SH3RF3: variants seen among roughly 807,000 people sequenced by gnomAD.
SH3RF3 encodes the protein E3 ubiquitin-protein ligase SH3RF3.
SH3RF3 carries 29 observed loss-of-function variants against 66.3 expected under a neutral mutation model. The observed-to-expected ratio is 0.44, with a 90% CI of 0.33 to 0.60. The LOEUF (loss-of-function observed/expected upper bound fraction) is 0.60, where lower values mean the gene tolerates loss of function less well. Ranked by LOEUF, SH3RF3 falls within the 20% of genes least tolerant of loss-of-function variation. The probability of loss-of-function intolerance (pLI) is 0.04; values close to 1 mark genes in which losing one functional copy is unlikely to be tolerated. For synonymous variants in SH3RF3, 583 were observed against 532.0 expected, an observed-to-expected ratio of 1.10 and a Z score of -1.32; for missense variants, 1,194 against 1,190.9, an observed-to-expected ratio of 1.00 and a Z score of -0.04.
chr2:109,241,222 T>C (rs1679773658), intron 1 of SH3RF3, among the ~76,000 whole-genome samples: 1 of 150,858 alleles, frequency 6.6e-6, no homozygotes, highest in African/African-American at 2.5e-5. Flanking sequence ...AGCAGTTTGT[T>C]TGTCTCTTGA....
At chr2:109,229,178 G>C (rs905645302) in intron 1 of SH3RF3, among the ~76,000 whole-genome samples, 1 of 152,040 alleles carries the variant, frequency 6.6e-6, no homozygotes, top group Non-Finnish European at 1.5e-5. Flanking sequence ...CAGGAACCAG[G>C]GACAAAGACC....
intron 1 of SH3RF3, among the ~76,000 whole-genome samples, chr2:109,300,697 C>T (rs144548040): frequency 6.6e-6 from 1 of 152,346 alleles, no homozygotes; most frequent in East Asian, 1.9e-4. Context: ...CTTCCTCCTT[C>T]ACCACCTTCC....
intron 1 of SH3RF3, among the ~76,000 whole-genome samples, chr2:109,343,511 T>G (rs1413049910): frequency 6.6e-6 from 1 of 152,130 alleles, no homozygotes; most frequent in Non-Finnish European, 1.5e-5. Flanking sequence ...ACCTTCTCTG[T>G]CCCCTACCCT....
intron 1 of SH3RF3, among the ~76,000 whole-genome samples, chr2:109,276,211 A>G (rs1355610526): frequency 6.6e-6 from 1 of 152,236 alleles, no homozygotes; most frequent in Non-Finnish European, 1.5e-5. Flanking sequence ...CCACATCACC[A>G]TATGTGTGAG....
intron 1 of SH3RF3, among the ~76,000 whole-genome samples, chr2:109,326,686 G>T (rs1682167325): frequency 6.6e-6 from 1 of 152,162 alleles, no homozygotes; most frequent in South Asian, 2.1e-4. Flanking sequence ...TCTTTTTCTT[G>T]AAAGATCTAT....
At chr2:109,478,002 C>T (rs35367934) in intron 8 of SH3RF3, among the ~76,000 whole-genome samples, 69,900 of 151,628 alleles carry the variant, frequency 0.46, 17,916 homozygotes, top group Non-Finnish European at 0.56. Flanking sequence ...CTCCCCACTG[C>T]TCATGAAATA....
At chr2:109,481,799 A>G (rs1329166130) in intron 8 of SH3RF3, among the ~76,000 whole-genome samples, 1 of 152,178 alleles carries the variant, frequency 6.6e-6, no homozygotes, top group African/African-American at 2.4e-5. Context: ...AACTGCTACC[A>G]TGAGAATCCT....
intron 2 of SH3RF3, among the ~76,000 whole-genome samples, chr2:109,355,038 C>T (rs536970124): frequency 3.9e-5 from 6 of 152,300 alleles, no homozygotes; most frequent in South Asian, 2.1e-4. Flanking sequence ...ACAGCTCAGG[C>T]TTACAATCCT....
At chr2:109,186,997 C>T (rs1360740131) in intron 1 of SH3RF3, among the ~76,000 whole-genome samples, 3 of 152,096 alleles carry the variant, frequency 2.0e-5, no homozygotes, top group Non-Finnish European at 2.9e-5. Flanking sequence ...TTGCTCGTCT[C>T]CCAGAGGCGG....
At chr2:109,359,367 T>C (rs1299532705) in intron 2 of SH3RF3, among the ~76,000 whole-genome samples, 9 of 152,240 alleles carry the variant, frequency 5.9e-5, no homozygotes, top group Admixed American at 5.9e-4. Context: ...TGAAAAGAAC[T>C]GACATCTTGA....
chr2:109,389,226 C>T lies in SH3RF3; in HGVS notation c.946-9364C>T, dbSNP rs1675913483. Among the ~76,000 whole-genome samples the T allele has an allele frequency of 2.0e-5, 3 of 151,730 alleles. No homozygotes were observed. In the South Asian group the frequency reaches 6.2e-4, roughly 31 times the overall value. ...TTTTGAGTCAGCTGTGAGGGCCCCTCCTGGTCCTCAGCAAGAGGGGCAAGC... is the reference window on the plus strand; with the variant it reads ...TTTTGAGTCAGCTGTGAGGGCCCCTTCTGGTCCTCAGCAAGAGGGGCAAGC... On this transcript the variant is annotated intron_variant, in intron 3 of 9. Coordinates refer to ENST00000309415, the MANE Select transcript of SH3RF3 (RefSeq NM_001099289.3).
intron 7 of SH3RF3, among the ~76,000 whole-genome samples, chr2:109,447,442 G>C (rs1422864043): frequency 6.6e-6 from 1 of 152,128 alleles, no homozygotes; most frequent in Non-Finnish European, 1.5e-5. Flanking sequence ...TGTTTTTATT[G>C]CATGTATTTT....
Position 109,349,829 on chromosome 2 carries a change from C to T in SH3RF3, c.849+1880C>T, listed in dbSNP as rs190417084. Among the ~76,000 whole-genome samples the T allele has an allele frequency of 3.8e-4, 58 of 152,368 alleles. No homozygotes were observed. In the East Asian group the frequency reaches 0.01, roughly 27 times the overall value. ...CATCACCATATAACCTGCTGCATTC[C>T]ACGGGCCTCTGCCCAGGATGTGCAA... On this transcript the variant is annotated intron_variant, in intron 2 of 9. Coordinates refer to ENST00000309415, the MANE Select transcript of SH3RF3 (RefSeq NM_001099289.3).
rs147431301 is a variant in SH3RF3, at chr2:109,491,849, C to T, written c.2480+913C>T. Among the ~76,000 whole-genome samples, 36 of 152,324 alleles carry T rather than the reference C, an allele frequency of 2.4e-4. No individual in the cohort carries two copies. In the East Asian group the frequency reaches 6.6e-3, roughly 28 times the overall value. ...TCTGCCAGAACCTTTCCTCCCTTGG[C>T]CGTTCGGGTGCCTGCAACCCGGGAA... On this transcript the variant is annotated intron_variant, in intron 9 of 9. Transcript: ENST00000309415.
At chr2:109,448,089 A>G (rs1559088707) in intron 7 of SH3RF3, among the ~76,000 whole-genome samples, 1 of 152,136 alleles carries the variant, frequency 6.6e-6, no homozygotes, top group Non-Finnish European at 1.5e-5. Flanking sequence ...GCTGAGTGAC[A>G]TACCCAGTGT....
chr2:109,224,668 G>GC (rs1480808563), intron 1 of SH3RF3, among the ~76,000 whole-genome samples: 1 of 152,188 alleles, frequency 6.6e-6, no homozygotes, highest in African/African-American at 2.4e-5. Context: ...GACCAACCTA[G>GC]CTAACATGGT....
intron 1 of SH3RF3, among the ~76,000 whole-genome samples, chr2:109,299,793 G>C (rs1039138907): frequency 6.6e-6 from 1 of 152,166 alleles, no homozygotes; most frequent in Non-Finnish European, 1.5e-5. Flanking sequence ...TGTGGCCGTG[G>C]TGTGGGCTCG....
intron 1 of SH3RF3, among the ~76,000 whole-genome samples, chr2:109,275,087 TA>T (rs201303613): frequency 8.0e-5 from 12 of 150,866 alleles, no homozygotes; most frequent in African/African-American, 1.9e-4. Context: ...CTTCCACCAT[TA>T]AAAAAAAAGA....
chr2:109,263,774 G>A (rs1364985109), intron 1 of SH3RF3, among the ~76,000 whole-genome samples: 13 of 152,182 alleles, frequency 8.5e-5, no homozygotes, highest in Non-Finnish European at 1.8e-4. Flanking sequence ...AGATAGACCT[G>A]GCTAACACTG....
Sources: gnomAD v4.1 joint callset for allele counts (sites outside exome capture counted in the v4.1 genomes callset) on GRCh38, gnomAD v4.1.1 for gene constraint, MANE v1.5 for transcripts, NCBI Gene and HGNC (gene_info 2026-07-23, HGNC 2026-07-21) for gene names.